The following TNIK variants were observed in gnomAD, a reference collection of about 807,000 sequenced individuals.
TNIK encodes TRAF2 and NCK-interacting protein kinase.
Under a neutral mutation model 191.3 loss-of-function variants are expected in TNIK, and 49 were observed. The observed-to-expected ratio is 0.26, with a 90% CI of 0.20 to 0.32. The LOEUF (loss-of-function observed/expected upper bound fraction) is 0.32. Among genes scored for constraint, TNIK ranks in the 10% least tolerant of loss-of-function variants. TNIK has a pLI of 1.00. For missense variants in TNIK, 1,155 were observed against 1,702.3 expected (o/e 0.68, Z 5.66); for synonymous variants, 594 against 600.9 (o/e 0.99, Z 0.17).
chr3:171,071,427 A>C, intron 28 of TNIK, 104 bp from the exon 29 acceptor site: 1 of 817,392 alleles, frequency 1.2e-6, no homozygotes, highest in South Asian at 2.2e-5. Flanking sequence ...TTAAATATTG[A>C]TGTTGGGTGT....
chr3:171,264,143 C>G (rs916331875), intron 2 of TNIK, among the ~76,000 whole-genome samples: 1 of 142,842 alleles, frequency 7.0e-6, no homozygotes, highest in Admixed American at 7.1e-5. Flanking sequence ...CACCCCTTAC[C>G]TGGCTGGCCT....
chr3:171,361,775 C>T (rs1715010533), intron 2 of TNIK, among the ~76,000 whole-genome samples: 1 of 152,098 alleles, frequency 6.6e-6, no homozygotes, highest in Non-Finnish European at 1.5e-5. Flanking sequence ...GTAATCAAAC[C>T]TTACATGTAC....
intron 12 of TNIK, among the ~76,000 whole-genome samples, chr3:171,156,765 A>G (rs1733232886): frequency 6.6e-6 from 1 of 152,232 alleles, no homozygotes; most frequent in Non-Finnish European, 1.5e-5. Flanking sequence ...GGTCTTGCCC[A>G]CAGGCTGGAG....
chr3:171,381,755 G>A lies in TNIK; in HGVS notation c.58-12070C>T, dbSNP rs150901395. Among the ~76,000 whole-genome samples, 766 of 152,338 alleles carry A rather than the reference G, an allele frequency of 5.0e-3. 2 individuals carry two copies. The highest frequency in any genetic ancestry group is 7.8e-3 in the Non-Finnish European group (529 of 68,030). The stretch of plus-strand genomic sequence containing the variant: ...GAATTACTGTGTGGGGCATTCAGAA[G>A]GGCTGCCCAAATGGAGCTGACTTAG... On this transcript the variant is annotated intron_variant, in intron 1 of 32. Coordinates refer to ENST00000436636, the MANE Select transcript of TNIK (RefSeq NM_015028.4).
At chr3:171,178,521 C>T (rs1214437322) in intron 7 of TNIK, among the ~76,000 whole-genome samples, 1 of 152,186 alleles carries the variant, frequency 6.6e-6, no homozygotes, top group East Asian at 1.9e-4. Flanking sequence ...AGGCTAATGC[C>T]TCCATTTCTA....
rs187490464 is a variant in TNIK, at chr3:171,434,961, A to G, written c.57+25046T>C. ...ACACACAACTGAGAGTGGCTTAAAC[A>G]ATGTGGAAATTGTATTATCTATATA... is the stretch of plus-strand genomic sequence containing the variant. On this transcript the variant is annotated intron_variant, in intron 1 of 32. Transcript: ENST00000436636. Among the ~76,000 whole-genome samples the G allele has an allele frequency of 1.1e-4, 16 of 152,280 alleles. No individual in the cohort carries two copies. The East Asian group carries it at 2.9e-3, about 28-fold the overall frequency.
At chr3:171,071,078 C>T in intron 29 of TNIK, 145 bp downstream of exon 29, 1 of 538,894 alleles carries the variant, frequency 1.9e-6, no homozygotes, top group Non-Finnish European at 3.0e-6. Context: ...ACTTTTGAAA[C>T]AATAAACCCT....
intron 2 of TNIK, among the ~76,000 whole-genome samples, chr3:171,266,414 T>C (rs1435308483): frequency 2.0e-5 from 3 of 152,188 alleles, no homozygotes; most frequent in African/African-American, 7.2e-5. Context: ...TCTGGAGGAA[T>C]CTTTCCCTCT....
chr3:171,276,532 A>C (rs1560359496), intron 2 of TNIK, among the ~76,000 whole-genome samples: 1 of 152,248 alleles, frequency 6.6e-6, no homozygotes, highest in Non-Finnish European at 1.5e-5. Context: ...ACGAACAAGA[A>C]AATTAAACTA....
At chr3:171,259,420 TG>T (rs1332897643) in intron 2 of TNIK, among the ~76,000 whole-genome samples, 1 of 152,176 alleles carries the variant, frequency 6.6e-6, no homozygotes, top group African/African-American at 2.4e-5. Context: ...CTCTGCCTGG[TG>T]GCCTAGAAGC....
intron 2 of TNIK, among the ~76,000 whole-genome samples, chr3:171,368,063 T>C (rs1715989126): frequency 6.6e-6 from 1 of 152,220 alleles, no homozygotes; most frequent in Non-Finnish European, 1.5e-5. Flanking sequence ...CCTTGCCTTT[T>C]TCAAATAACA....
At chr3:171,284,097 C>T (rs946173938) in intron 2 of TNIK, among the ~76,000 whole-genome samples, 4 of 152,052 alleles carry the variant, frequency 2.6e-5, no homozygotes, top group Non-Finnish European at 5.9e-5. Flanking sequence ...CCAACCGAGA[C>T]CTATGAATCT....
intron 26 of TNIK, among the ~76,000 whole-genome samples, chr3:171,082,868 C>T (rs1344885976): frequency 6.6e-6 from 1 of 152,198 alleles, no homozygotes; most frequent in African/African-American, 2.4e-5. Flanking sequence ...GGCCCTTCCT[C>T]CTTCTTGAAT....
intron 2 of TNIK, among the ~76,000 whole-genome samples, chr3:171,276,504 A>T (rs934635527): frequency 2.0e-5 from 3 of 152,252 alleles, no homozygotes; most frequent in African/African-American, 7.2e-5. Flanking sequence ...TGGAAATTCC[A>T]TAAAAACAAA....
At chr3:171,139,378 G>GCGCACACACACACA (rs35492114) in intron 14 of TNIK, 92 bp downstream of exon 14, 248 of 692,918 alleles carry the variant, frequency 3.6e-4, no homozygotes, top group Admixed American at 7.3e-4. Flanking sequence ...ACGCACGCGC[G>GCGCACACACACACA]CACACACACA....
rs892132497 is a variant in TNIK, at chr3:171,059,357, G to T, written c.*4524C>A. On this transcript the variant is annotated 3_prime_UTR_variant, in exon 33 of 33. Transcript: ENST00000436636. Reference sequence around the variant, plus strand: ...TGCTTTTATGGGGATTTTTATTTTGGTATATTCTGGCACTTCCTGGAATGG... The same window carrying T: ...TGCTTTTATGGGGATTTTTATTTTGTTATATTCTGGCACTTCCTGGAATGG... Among the ~76,000 whole-genome samples, 3 of 152,080 alleles carry T rather than the reference G, an allele frequency of 2.0e-5. No individual in the cohort carries two copies. Among genetic ancestry groups the T allele is most frequent in the Non-Finnish European group, 4.4e-5 (3 of 67,998 alleles).
chr3:171,358,274 A>G (rs1339901744), intron 2 of TNIK, among the ~76,000 whole-genome samples: 1 of 152,228 alleles, frequency 6.6e-6, no homozygotes, highest in Non-Finnish European at 1.5e-5. Context: ...AGACTGAGTA[A>G]TTTATAAAGG....
At chr3:171,419,777 C>A (rs1723533292) in intron 1 of TNIK, among the ~76,000 whole-genome samples, 1 of 152,142 alleles carries the variant, frequency 6.6e-6, no homozygotes, top group Non-Finnish European at 1.5e-5. Flanking sequence ...AACTAATGGT[C>A]ATTGTTGAAT....
Position 171,128,637 on chromosome 3 carries a change from C to T in TNIK, c.1773+77G>A, listed in dbSNP as rs934387221. On this transcript the variant is annotated intron_variant, in intron 16 of 32. Transcript: ENST00000436636. ...TGATCCTGTGCCTGAATCCATGTTA[C>T]AATTCCCTAGGCTTTTAATAATAGG... 2.4e-5 allele frequency: 36 copies of T among 1,474,664 alleles called. No individual in the cohort carries two copies. The African/African-American group carries it at 4.2e-4, about 17-fold the overall frequency. The allele number at this position is 1,474,664 out of a possible 1,614,324, so 91.3% of individuals were successfully genotyped here. A position where few individuals can be genotyped will look rare whatever the true frequency, so the allele number is the denominator to read the frequency against.
Sources: allele counts gnomAD v4.1 joint callset (sites outside exome capture counted in the v4.1 genomes callset), GRCh38; gene constraint gnomAD v4.1.1; transcripts MANE v1.5; gene names NCBI Gene and HGNC (gene_info 2026-07-23, HGNC 2026-07-21).